Variants in PTPRG observed in about 807,000 individuals in gnomAD.
The protein encoded by PTPRG is protein tyrosine phosphatase receptor type G, also known as receptor-type tyrosine-protein phosphatase gamma.
PTPRG carries 102 observed loss-of-function variants against 165.3 expected under a neutral mutation model. The observed-to-expected ratio is 0.62, with a 90% CI of 0.53 to 0.73. PTPRG has a LOEUF of 0.73. Among genes scored for constraint, PTPRG ranks in the 30% least tolerant of loss-of-function variants. PTPRG has a pLI of 0.00. For synonymous variants in PTPRG, 675 were observed against 669.5 expected, an observed-to-expected ratio of 1.01 and a Z score of -0.13; for missense variants, 1,866 against 1,861.4, an observed-to-expected ratio of 1.00 and a Z score of -0.05.
chr3:61,632,991 C>T (rs1701810341), intron 1 of PTPRG, among the ~76,000 whole-genome samples: 1 of 152,190 alleles, frequency 6.6e-6, no homozygotes, highest in Admixed American at 6.5e-5. Context: ...GGTTCTTACA[C>T]ATGCTGTTCA....
intron 2 of PTPRG, among the ~76,000 whole-genome samples, chr3:61,817,792 T>C (rs1281903196): frequency 6.6e-6 from 1 of 152,200 alleles, no homozygotes; most frequent in Non-Finnish European, 1.5e-5. Flanking sequence ...ACCTAGTTCC[T>C]GGATGAGTGC....
rs750618260 is a variant in PTPRG at position 62,228,249 on chromosome 3, G to A, written c.2289-2976G>A. Among the ~76,000 whole-genome samples the A allele has an allele frequency of 4.6e-5, 7 of 152,120 alleles. No individual in the cohort carries two copies. The highest frequency in any genetic ancestry group is 1.3e-4 in the Admixed American group (2 of 15,276). On this transcript the variant is annotated intron_variant, in intron 13 of 29. Transcript: ENST00000474889. The surrounding 1 kb of genome is among the most constrained non-coding windows in gnomAD (Gnocchi z 4.1). ...AAAACAAAGAAAAAGGAGGCTGGGC[G>A]CGGTGGCTCATGCCTGTCATCTCAG...
At chr3:62,279,890 C>T (rs1043886376) in intron 26 of PTPRG, among the ~76,000 whole-genome samples, 23 of 151,912 alleles carry the variant, frequency 1.5e-4, no homozygotes, top group African/African-American at 5.1e-4. Flanking sequence ...GGAAAATGCC[C>T]GTAGAAACCT....
At chr3:61,917,186 C>T (rs757338497) in intron 2 of PTPRG, among the ~76,000 whole-genome samples, 1 of 152,124 alleles carries the variant, frequency 6.6e-6, no homozygotes, top group Admixed American at 6.5e-5. Context: ...GTTAGACGCT[C>T]GGCTCCTCAT....
intron 2 of PTPRG, among the ~76,000 whole-genome samples, chr3:61,776,026 A>G (rs1181349461): frequency 6.6e-6 from 1 of 151,906 alleles, no homozygotes. Context: ...ATGTATGCAT[A>G]TGTAACAAAC....
intron 2 of PTPRG, among the ~76,000 whole-genome samples, chr3:61,955,468 G>A (rs769458911): frequency 1.3e-5 from 2 of 152,174 alleles, no homozygotes; most frequent in African/African-American, 4.8e-5. Flanking sequence ...TAGCGAAAAT[G>A]TGTGAGCATC....
At position 61,865,756 on chromosome 3, in the gene PTPRG, C is replaced by T. The variant is rs575500098; in HGVS notation, c.190+116774C>T. On this transcript the variant is annotated intron_variant, in intron 2 of 29. Transcript: ENST00000474889. ...AAATAACTTCAGATTTCCTAGCCCA[C>T]TGCTCTAGAAAATGTATTTCCTCTG... Among the ~76,000 whole-genome samples the T allele has an allele frequency of 2.1e-4, 32 of 152,318 alleles. 1 individual carries two copies. The Middle Eastern group carries it at 0.031, about 146-fold the overall frequency.
chr3:62,132,031 G>A lies in PTPRG; in HGVS notation c.616-571G>A, dbSNP rs188234985. Among the ~76,000 whole-genome samples the A allele has an allele frequency of 2.6e-3, 389 of 152,230 alleles. 1 individual carries two copies. The highest frequency in any genetic ancestry group is 8.6e-3 in the African/African-American group (358 of 41,538). On this transcript the variant is annotated intron_variant, in intron 5 of 29. Coordinates refer to ENST00000474889, the MANE Select transcript of PTPRG (RefSeq NM_002841.4). The stretch of plus-strand genomic sequence containing the variant: ...AGACTGAAGAGGCTTGACTTTTGAG[G>A]GGGATTAAAAACCCCAGGAGGAAAT...
intron 12 of PTPRG, among the ~76,000 whole-genome samples, chr3:62,204,913 C>T (rs1480573595): frequency 6.6e-6 from 1 of 152,002 alleles, no homozygotes; most frequent in African/African-American, 2.4e-5. Context: ...GTTGTGAGGG[C>T]TTTTCTTAAT....
At chr3:61,888,328 T>TTTTTTG (rs1401624559) in intron 2 of PTPRG, among the ~76,000 whole-genome samples, 26 of 109,628 alleles carry the variant, frequency 2.4e-4, no homozygotes, top group African/African-American at 1.5e-3. Context: ...GGTTGTTTTT[T>TTTTTTG]TTGTTTGTTT....
intron 4 of PTPRG, among the ~76,000 whole-genome samples, chr3:62,066,969 AG>A (rs1444577457): frequency 6.9e-6 from 1 of 144,716 alleles, no homozygotes; most frequent in Admixed American, 7.1e-5. Context: ...ACTCAGGAGG[AG>A]GAGGTTGCAG....
intron 2 of PTPRG, among the ~76,000 whole-genome samples, chr3:61,833,024 A>C (rs192577577): frequency 6.6e-6 from 1 of 151,206 alleles, no homozygotes; most frequent in Non-Finnish European, 1.5e-5. Flanking sequence ...GGTTGCTGTG[A>C]ATGCCATTAG....
chr3:62,137,201 C>G (rs959705413), intron 6 of PTPRG, among the ~76,000 whole-genome samples: 2 of 152,100 alleles, frequency 1.3e-5, no homozygotes, highest in African/African-American at 4.8e-5. Flanking sequence ...ATTGTAAATC[C>G]TATTCACTGT....
chr3:62,160,579 G>A (rs911608963), intron 7 of PTPRG, among the ~76,000 whole-genome samples: 2 of 152,256 alleles, frequency 1.3e-5, no homozygotes, highest in African/African-American at 4.8e-5. Flanking sequence ...GGAGATGGTT[G>A]CAGGCAACAT....
At chr3:61,870,317 CTTTT>C (rs10642619) in intron 2 of PTPRG, among the ~76,000 whole-genome samples, 1 of 136,370 alleles carries the variant, frequency 7.3e-6, no homozygotes. Context: ...AAAAATTATT[CTTTT>C]TTTTTTTTTT....
At chr3:61,581,423 C>T (rs1220728553) in intron 1 of PTPRG, among the ~76,000 whole-genome samples, 2 of 152,124 alleles carry the variant, frequency 1.3e-5, no homozygotes, top group Non-Finnish European at 2.9e-5. Context: ...GCATCCTTTT[C>T]CCCACCTTAG....
chr3:61,831,092 C>G (rs1268229542), intron 2 of PTPRG, among the ~76,000 whole-genome samples: 2 of 152,178 alleles, frequency 1.3e-5, no homozygotes, highest in African/African-American at 4.8e-5. Flanking sequence ...GGACATTTAG[C>G]TGCAAAATAT....
chr3:61,778,326 A>C (rs1258790988), intron 2 of PTPRG, among the ~76,000 whole-genome samples: 3 of 152,132 alleles, frequency 2.0e-5, no homozygotes, highest in African/African-American at 7.2e-5. Context: ...TGTTCACGCC[A>C]TGTAAATGAA....
chr3:62,154,239 A>G (rs1163783321), intron 6 of PTPRG, among the ~76,000 whole-genome samples: 1 of 152,180 alleles, frequency 6.6e-6, no homozygotes, highest in Non-Finnish European at 1.5e-5. Flanking sequence ...TGAACTGTCC[A>G]AGTCCCTTCC....
Sources: gnomAD v4.1 joint callset for allele counts (sites outside exome capture counted in the v4.1 genomes callset) on GRCh38, gnomAD v4.1.1 for gene constraint, Gnocchi (gnomAD v3.1) non-coding constraint, MANE v1.5 for transcripts, NCBI Gene and HGNC (gene_info 2026-07-23, HGNC 2026-07-21) for gene names.